Variants in NLRC5 observed in about 807,000 individuals in gnomAD.
The protein encoded by NLRC5 is NLR family CARD domain containing 5.
A neutral mutation model predicts 206.9 loss-of-function variants in NLRC5; 114 were observed. The observed-to-expected ratio is 0.55, with a 90% confidence interval of 0.47 to 0.64. NLRC5 has a LOEUF of 0.64. Ranked by LOEUF, NLRC5 falls within the 30% of genes least tolerant of loss-of-function variation. The pLI, the probability that NLRC5 is intolerant of heterozygous loss-of-function variation, is 0.00. For synonymous variants in NLRC5, 952 were observed against 962.8 expected (o/e 0.99, Z 0.21); for missense variants, 2,008 against 2,305.5 (o/e 0.87, Z 2.64).
rs1372506966 is a variant in NLRC5 at position 57,070,538 on chromosome 16, G to A, written c.4587G>A (p.Leu1529=). 3.1e-6 allele frequency: 5 copies of A among 1,613,884 alleles called. No homozygotes were observed. The highest frequency in any genetic ancestry group is 4.2e-6 in the Non-Finnish European group (5 of 1,179,968). Residue 1529 remains leucine, a synonymous_variant, in exon 38 of 49, where the codon TTG becomes TTA. Transcript: ENST00000688547. ...GHCHHLEELD[L]SNNQFDEEGT... is the part of the protein sequence containing the mutation. ...GCCTCTGCCTGGTCTTCTGCAGCTTGTCTAACAATCAATTTGATGAGGAGG... is the reference window on the plus strand; with the variant it reads ...GCCTCTGCCTGGTCTTCTGCAGCTTATCTAACAATCAATTTGATGAGGAGG...
intron 16 of NLRC5, 139 bp from the exon 17 acceptor site, chr16:57,040,511 G>A: frequency 1.4e-6 from 1 of 739,214 alleles, no homozygotes; most frequent in East Asian, 2.5e-5. Context: ...CCAGGAAGTG[G>A]AGAAGCCAAA....
intron 1 of NLRC5, among the ~76,000 whole-genome samples, chr16:57,011,619 G>T (rs2059507061): frequency 6.6e-6 from 1 of 151,910 alleles, no homozygotes; most frequent in Non-Finnish European, 1.5e-5. Context: ...CTACTCAGGA[G>T]GGTGAGGCAG....
chr16:57,065,124 T>A (rs1337095019), intron 32 of NLRC5, 88 bp from the exon 33 acceptor site: 1 of 831,124 alleles, frequency 1.2e-6, no homozygotes, highest in Admixed American at 3.9e-5. Flanking sequence ...GGTCCCCCCC[T>A]TGACACTCCT....
At chr16:57,064,996 G>A (rs1198185388) in intron 32 of NLRC5, among the ~76,000 whole-genome samples, 1 of 152,124 alleles carries the variant, frequency 6.6e-6, no homozygotes. Flanking sequence ...TTTCTGTTTG[G>A]ATTGTCACAA....
chr16:57,046,167 TG>T (rs1275029279), intron 21 of NLRC5, among the ~76,000 whole-genome samples: 4 of 152,184 alleles, frequency 2.6e-5, no homozygotes, highest in African/African-American at 9.6e-5. Flanking sequence ...TCTCTGTTTC[TG>T]GGGAACCCCC....
chr16:57,000,367 G>A (rs900201255), intron 1 of NLRC5, among the ~76,000 whole-genome samples: 4 of 152,184 alleles, frequency 2.6e-5, no homozygotes, highest in African/African-American at 4.8e-5. Context: ...GGTGAAGGAG[G>A]CAGTTTAAAG....
chr16:57,011,809 C>T (rs1360852422), intron 1 of NLRC5, among the ~76,000 whole-genome samples: 17 of 151,786 alleles, frequency 1.1e-4, no homozygotes, highest in African/African-American at 4.1e-4. Flanking sequence ...TGTTTGTTGC[C>T]ATTTTTACTA....
At position 57,055,483 on chromosome 16, in the gene NLRC5, G is replaced by C; in HGVS notation, c.3710G>C (p.Trp1237Ser). Residue 1237 changes from tryptophan to serine, a missense_variant, in exon 27 of 49, where the codon TGG (tryptophan) becomes TCG (serine). Transcript: ENST00000688547. ...LSQEHVESLCWLLSKCKDLSQ... is the reference protein window; with the variant it reads ...LSQEHVESLCSLLSKCKDLSQ... ...CAGGAGCACGTAGAGTCACTCTGCT[G>C]GTTGCTGAGCAAGTGTAAAGACCTC... is the stretch of plus-strand genomic sequence containing the variant. 1 of 1,613,996 alleles carries C rather than the reference G, an allele frequency of 6.2e-7. No individual in the cohort carries two copies. The highest frequency in any genetic ancestry group is 8.5e-7 in the Non-Finnish European group (1 of 1,179,942).
intron 24 of NLRC5, chr16:57,053,223 C>A (rs1471393522): frequency 1.3e-5 from 2 of 152,218 alleles, no homozygotes; most frequent in African/African-American, 4.8e-5. Flanking sequence ...CAGGGAACAT[C>A]TCTGAGGAGG....
Position 57,025,706 on chromosome 16 carries a change from G to A in NLRC5, c.763G>A (p.Ala255Thr). ...WAEGHLNCFQ[A>T]LFLFEFRQLN... ...AGAGGGCCATCTGAACTGTTTCCAG[G>A]CCCTGTTCCTTTTTGAATTCCGCCA... is the stretch of plus-strand genomic sequence containing the variant. Residue 255 changes from alanine to threonine, a missense_variant, in exon 6 of 49, where the codon GCC (alanine) becomes ACC (threonine). Coordinates refer to ENST00000688547, the MANE Select transcript of NLRC5 (RefSeq NM_001384950.1). The A allele has an allele frequency of 2.5e-6, 4 of 1,614,218 alleles. No homozygotes were observed. The highest frequency in any genetic ancestry group is 2.5e-6 in the Non-Finnish European group (3 of 1,180,034).
intron 16 of NLRC5, 53 bp from the exon 17 acceptor site, chr16:57,040,597 G>A: frequency 6.4e-7 from 1 of 1,557,392 alleles, no homozygotes; most frequent in South Asian, 1.1e-5. Flanking sequence ...GATGGATTCT[G>A]GAGATGGCGG....
Position 57,059,024 on chromosome 16 carries a change from C to A in NLRC5, c.3883C>A (p.Leu1295Met), listed in dbSNP as rs765694339. 6 of 1,614,046 alleles carry A rather than the reference C, an allele frequency of 3.7e-6. No individual in the cohort carries two copies. The highest frequency in any genetic ancestry group is 5.1e-6 in the Non-Finnish European group (6 of 1,180,030). ...QESALYLLET[L>M]PSCPRVREAS... ...AAGTGCCCTGTACCTGCTGGAGACA[C>A]TGCCCTCCTGCCCACGTGTCCGGGA... The change falls in exon 29 of 49, where the codon CTG becomes ATG. Residue 1295 changes from leucine to methionine, a missense_variant. Transcript: ENST00000688547.
At position 57,041,519 on chromosome 16, in the gene NLRC5, G is replaced by C; in HGVS notation, c.2974G>C (p.Glu992Gln). The C allele has an allele frequency of 1.2e-6, 2 of 1,614,136 alleles. No individual in the cohort carries two copies. Residue 992 changes from glutamate to glutamine, a missense_variant, in exon 18 of 49, where the codon GAG becomes CAG. By Grantham distance (29) the Glu-to-Gln change is conservative. Transcript: ENST00000688547. ...TTGTGGCCTCCAAGAAAAGCACCTA[G>C]AGCAGCTCTGCAAGGCTCTGGGAGG... is the stretch of plus-strand genomic sequence containing the variant. ...THCGLQEKHL[E>Q]QLCKALGGSC... is the part of the protein sequence containing the mutation.
intron 27 of NLRC5, among the ~76,000 whole-genome samples, chr16:57,056,591 A>G (rs2065694774): frequency 6.6e-6 from 1 of 152,048 alleles, no homozygotes; most frequent in East Asian, 1.9e-4. Context: ...AATGTATTTT[A>G]AACAGATATG....
chr16:57,040,680 G>A lies in NLRC5; in HGVS notation c.2901G>A (p.Gln967=). ...CATTTCTTGACAGCCTCATGCTCCA[G>A]ATGCCCTCTGAGCTGCCTCTGAGCT... ...RAAFLDSLML[Q]MPSELPLSSR... is the part of the protein sequence containing the mutation. The change falls in exon 17 of 49, where the codon CAG becomes CAA. Residue 967 remains glutamine, a synonymous_variant. Transcript: ENST00000688547. 6.2e-7 allele frequency: 1 copy of A among 1,614,180 alleles called. No individual in the cohort carries two copies. The highest frequency in any genetic ancestry group is 8.5e-7 in the Non-Finnish European group (1 of 1,180,024).
chr16:57,059,567 G>C (rs1368812326), intron 30 of NLRC5, 35 bp downstream of exon 30: 1 of 1,561,798 alleles, frequency 6.4e-7, no homozygotes, highest in South Asian at 1.2e-5. Context: ...AGGGGACAGA[G>C]AGGGGAGAGG....
At position 57,040,634 on chromosome 16, in the gene NLRC5, G is replaced by T. The variant is rs774730465; in HGVS notation, c.2871-16G>T. ...CATGGCCTTTGCTCAGCCTGGCCTTGGTGATGTCCCTCCAGGGCTGCATTT... is the reference window on the plus strand; with the variant it reads ...CATGGCCTTTGCTCAGCCTGGCCTTTGTGATGTCCCTCCAGGGCTGCATTT... On this transcript the variant is annotated splice_polypyrimidine_tract_variant and intron_variant, in intron 16 of 48. Coordinates refer to ENST00000688547, the MANE Select transcript of NLRC5 (RefSeq NM_001384950.1). 6 of 1,613,696 alleles carry T rather than the reference G, an allele frequency of 3.7e-6. No homozygotes were observed. The Admixed American group carries it at 6.7e-5, about 18-fold the overall frequency.
At chr16:57,029,599 G>A (rs181152228) in intron 8 of NLRC5, among the ~76,000 whole-genome samples, 174 bp from the exon 9 acceptor site, 6 of 152,336 alleles carry the variant, frequency 3.9e-5, no homozygotes, top group African/African-American at 9.6e-5. Context: ...GAGGCCAGCA[G>A]AGGGTCTTTC....
intron 9 of NLRC5, 36 bp from the exon 10 acceptor site, chr16:57,029,959 G>C: frequency 1.2e-6 from 2 of 1,612,600 alleles, no homozygotes; most frequent in South Asian, 2.2e-5. Context: ...TGGGGTAGGG[G>C]ATTCCACTCC....
Sources: gnomAD v4.1 joint callset for allele counts (sites outside exome capture counted in the v4.1 genomes callset) on GRCh38, gnomAD v4.1.1 for gene constraint, MANE v1.5 for transcripts, NCBI Gene and HGNC (gene_info 2026-07-23, HGNC 2026-07-21) for gene names.